HEATR4: variants seen among roughly 807,000 people sequenced by gnomAD.
The protein encoded by HEATR4 is HEAT repeat containing 4.
Under a neutral mutation model 108.8 loss-of-function variants are expected in HEATR4, and 95 were observed. That is an observed-to-expected ratio of 0.87 (90% CI 0.74 to 1.04). HEATR4 has a LOEUF of 1.04. Among genes scored for constraint, HEATR4 ranks in the 50% least tolerant of loss-of-function variants. The pLI is 0.00. For missense variants in HEATR4, 1,152 were observed against 1,253.8 expected (o/e 0.92, Z 1.23); for synonymous variants, 443 against 459.4 (o/e 0.96, Z 0.46).
At chr14:73,603,018 C>T in the HEATR4 span, among the ~76,000 whole-genome samples, 1 of 152,218 alleles carries the variant, frequency 6.6e-6, no homozygotes, top group African/African-American at 2.4e-5. Flanking sequence ...TCCTCACACA[C>T]CTTGCATGTA....
the HEATR4 span, chr14:73,619,142 AAAG>A: frequency 6.8e-6 from 10 of 1,462,602 alleles, no homozygotes; most frequent in East Asian, 9.3e-5. Flanking sequence ...AAAAGAAAAA[AAAG>A]AGAAAGCTAC....
At position 73,551,119 on chromosome 14, in the gene HEATR4, G is replaced by A. The variant is rs547281524; in HGVS notation, c.-152+7632C>T. On this transcript the variant is annotated intron_variant, in intron 1 of 17. Coordinates refer to ENST00000553558, the MANE Select transcript of HEATR4 (RefSeq NM_001220484.1). ...GCACAGGTTACAGTGAGCTGAGATC[G>A]TGCCATTGCACTCCAGCCTGAGTGA... Among the ~76,000 whole-genome samples, 16 of 110,758 alleles carry A rather than the reference G, an allele frequency of 1.4e-4. 3 individuals carry two copies. In the South Asian group the frequency reaches 4.4e-3, roughly 31 times the overall value. 72.7% of individuals were successfully genotyped at this position (110,758 alleles called of 152,430 possible). A position where few individuals can be genotyped will look rare whatever the true frequency, so the allele number is the denominator to read the frequency against.
chr14:73,524,853 G>C (rs559088345), intron 2 of HEATR4, among the ~76,000 whole-genome samples: 8 of 151,904 alleles, frequency 5.3e-5, no homozygotes, highest in Non-Finnish European at 1.2e-4. Context: ...ACTCCTGCCC[G>C]GTGTCCAAGG....
At chr14:73,569,722 G>A in the HEATR4 span, 1 of 1,609,222 alleles carries the variant, frequency 6.2e-7, no homozygotes, top group African/African-American at 1.3e-5. Context: ...CGCGACGTGC[G>A]AACGCCCTTG....
chr14:73,534,311 A>AG (rs1888795347), intron 1 of HEATR4, among the ~76,000 whole-genome samples: 2 of 109,816 alleles, frequency 1.8e-5, no homozygotes, highest in Admixed American at 2.1e-4. Context: ...CCCGGGAGCC[A>AG]GAAGTTGCAG....
At chr14:73,609,023 C>T in the HEATR4 span, among the ~76,000 whole-genome samples, 1 of 152,206 alleles carries the variant, frequency 6.6e-6, no homozygotes, top group African/African-American at 2.4e-5. Flanking sequence ...CACCAGGTCC[C>T]TCCCAGGACA....
At chr14:73,572,424 A>T in the HEATR4 span, among the ~76,000 whole-genome samples, 3 of 152,042 alleles carry the variant, frequency 2.0e-5, no homozygotes, top group Non-Finnish European at 4.4e-5. Context: ...CACATTCAGT[A>T]TCATTCCATT....
intron 1 of HEATR4, chr14:73,541,352 G>A (rs1400556046): frequency 1.3e-6 from 1 of 741,646 alleles, no homozygotes; most frequent in African/African-American, 1.9e-5. Flanking sequence ...ACGAACACAG[G>A]TTTTCATTTC....
intron 12 of HEATR4, among the ~76,000 whole-genome samples, chr14:73,500,317 G>A (rs184012926): frequency 2.3e-4 from 35 of 149,256 alleles, no homozygotes; most frequent in East Asian, 9.7e-4. Flanking sequence ...TATCGTTAGT[G>A]TTAGTGTACT....
intron 3 of HEATR4, among the ~76,000 whole-genome samples, chr14:73,521,903 A>G (rs1467736491): frequency 6.6e-6 from 1 of 152,238 alleles, no homozygotes; most frequent in Non-Finnish European, 1.5e-5. Flanking sequence ...GTTGAGAACC[A>G]ATCCCTTTAA....
chr14:73,485,428 G>T (rs1463283243), intron 17 of HEATR4, among the ~76,000 whole-genome samples: 1 of 148,100 alleles, frequency 6.8e-6, no homozygotes, highest in Non-Finnish European at 1.5e-5. Flanking sequence ...TTCGAGACAG[G>T]GTTTGGCTCT....
At chr14:73,510,182 C>A (rs1374713751) in intron 7 of HEATR4, among the ~76,000 whole-genome samples, 2 of 151,742 alleles carry the variant, frequency 1.3e-5, no homozygotes, top group South Asian at 2.1e-4. Flanking sequence ...TTTGTAAGAA[C>A]AATTATATTT....
chr14:73,559,854 T>C (rs571770662), upstream of HEATR4, among the ~76,000 whole-genome samples: 63 of 152,230 alleles, frequency 4.1e-4, 3 homozygotes, highest in South Asian at 0.011. Flanking sequence ...GACCACATAG[T>C]TCTGGCAGGC....
intron 11 of HEATR4, among the ~76,000 whole-genome samples, chr14:73,501,847 A>G (rs1236773694): frequency 6.6e-6 from 1 of 151,050 alleles, no homozygotes; most frequent in African/African-American, 2.4e-5. Context: ...TCCAACTCCC[A>G]GGTTCACGCC....
chr14:73,609,080 A>G, the HEATR4 span, among the ~76,000 whole-genome samples: 2 of 152,286 alleles, frequency 1.3e-5, no homozygotes, highest in South Asian at 4.1e-4. Flanking sequence ...TTGGGTGGGG[A>G]CACAGCCAAA....
At chr14:73,612,511 G>A in the HEATR4 span, 1 of 1,129,174 alleles carries the variant, frequency 8.9e-7, no homozygotes, top group Non-Finnish European at 1.2e-6. Flanking sequence ...GCTCGGCAAA[G>A]CCGCCAGGCC....
chr14:73,504,477 C>T (rs1195623609), intron 10 of HEATR4, among the ~76,000 whole-genome samples: 1 of 152,076 alleles, frequency 6.6e-6, no homozygotes, highest in Non-Finnish European at 1.5e-5. Context: ...CTCCTGACCT[C>T]GTGATCCGCC....
intron 16 of HEATR4, among the ~76,000 whole-genome samples, chr14:73,494,255 G>A (rs993505795): frequency 6.6e-6 from 1 of 152,184 alleles, no homozygotes; most frequent in African/African-American, 2.4e-5. Context: ...CAGAAGACCT[G>A]GGTTTGGGGT....
chr14:73,567,549 T>C, the HEATR4 span: 2 of 151,986 alleles, frequency 1.3e-5, no homozygotes, highest in Non-Finnish European at 2.9e-5. Flanking sequence ...CTCTGTAAAA[T>C]GGACCAATCA....
Sources: allele counts gnomAD v4.1 joint callset (sites outside exome capture counted in the v4.1 genomes callset), GRCh38; gene constraint gnomAD v4.1.1; transcripts MANE v1.5; gene names NCBI Gene and HGNC (gene_info 2026-07-23, HGNC 2026-07-21).